The following EPC1 variants were observed in gnomAD, a reference collection of about 807,000 sequenced individuals.
The protein encoded by EPC1 is enhancer of polycomb 1.
A neutral mutation model predicts 98.4 loss-of-function variants in EPC1; 12 were observed. The ratio of observed to expected loss-of-function variants is 0.12; its 90% CI spans 0.08 to 0.20. The LOEUF is 0.20. EPC1 is among the 10% of genes least tolerant of loss of function. The pLI is 1.00. For missense variants in EPC1, 729 were observed against 990.5 expected (o/e 0.74, Z 3.54); for synonymous variants, 357 against 363.9 (o/e 0.98, Z 0.21).
chr10:32,309,134 G>A (rs953497850), intron 1 of EPC1, among the ~76,000 whole-genome samples: 1 of 152,130 alleles, frequency 6.6e-6, no homozygotes, highest in African/African-American at 2.4e-5. Flanking sequence ...GTACTGGGGA[G>A]GGGTAGAAAA....
intron 1 of EPC1, chr10:32,376,987 C>G (rs1839884050): frequency 6.6e-6 from 1 of 152,128 alleles, no homozygotes; most frequent in Non-Finnish European, 1.5e-5. Flanking sequence ...AAACCTATGT[C>G]AGATCGTAAC....
At chr10:32,343,209 T>C (rs1362644146) in intron 1 of EPC1, among the ~76,000 whole-genome samples, 2 of 152,206 alleles carry the variant, frequency 1.3e-5, no homozygotes, top group African/African-American at 4.8e-5. Flanking sequence ...ACTTTATTTT[T>C]AATTAAATTA....
intron 1 of EPC1, among the ~76,000 whole-genome samples, chr10:32,373,545 T>C (rs1053197786): frequency 6.6e-6 from 1 of 152,186 alleles, no homozygotes; most frequent in African/African-American, 2.4e-5. Flanking sequence ...TTCAGTCCCC[T>C]TGTCAGTGAC....
chr10:32,368,074 C>T (rs574876558), intron 1 of EPC1, among the ~76,000 whole-genome samples: 52 of 152,286 alleles, frequency 3.4e-4, no homozygotes, highest in Non-Finnish European at 6.5e-4. Context: ...CTCTTTACTC[C>T]GCCATCAAAA....
At chr10:32,367,579 A>G (rs1006792514) in intron 1 of EPC1, among the ~76,000 whole-genome samples, 3 of 152,260 alleles carry the variant, frequency 2.0e-5, no homozygotes, top group East Asian at 3.8e-4. Context: ...TTTAAATGAT[A>G]TATTTTTTCA....
At chr10:32,312,043 C>G (rs1836264487) in intron 1 of EPC1, among the ~76,000 whole-genome samples, 2 of 152,246 alleles carry the variant, frequency 1.3e-5, no homozygotes, top group East Asian at 3.9e-4. Flanking sequence ...CTGCAGAAAG[C>G]AAAACCATGG....
chr10:32,356,800 C>T (rs147847953), intron 1 of EPC1, among the ~76,000 whole-genome samples: 1,662 of 152,104 alleles, frequency 0.011, 31 homozygotes, highest in African/African-American at 0.038. Flanking sequence ...CTGCCTAACA[C>T]GGTGAAACCC....
chr10:32,327,062 G>GACACACACAC (rs57395657), intron 1 of EPC1, among the ~76,000 whole-genome samples: 1,832 of 142,322 alleles, frequency 0.013, 28 homozygotes, highest in Admixed American at 0.025. Flanking sequence ...AAAATGTGGT[G>GACACACACAC]ACACACACAC....
intron 2 of EPC1, among the ~76,000 whole-genome samples, chr10:32,305,431 C>T (rs73245684): frequency 0.033 from 4,986 of 152,104 alleles, 273 homozygotes; most frequent in African/African-American, 0.11. Flanking sequence ...CTCTCACTTA[C>T]ATCAAGAAGT....
chr10:32,324,318 G>C (rs2132928538), intron 1 of EPC1, among the ~76,000 whole-genome samples: 1 of 151,812 alleles, frequency 6.6e-6, no homozygotes, highest in South Asian at 2.1e-4. Flanking sequence ...CACTTTGGGA[G>C]GCCAAGGCGG....
chr10:32,293,427 A>C (rs1223463429), intron 3 of EPC1, among the ~76,000 whole-genome samples, 165 bp downstream of exon 3: 1 of 152,178 alleles, frequency 6.6e-6, no homozygotes, highest in African/African-American at 2.4e-5. Flanking sequence ...CATATTGCTC[A>C]AGATTACACA....
chr10:32,345,559 G>C (rs1233516303), intron 1 of EPC1: 1 of 985,204 alleles, frequency 1.0e-6, no homozygotes, highest in Admixed American at 6.1e-5. Context: ...TTAAATGGCT[G>C]TACCTGAAAA....
At chr10:32,322,379 T>C (rs1240199870) in intron 1 of EPC1, among the ~76,000 whole-genome samples, 3 of 152,178 alleles carry the variant, frequency 2.0e-5, no homozygotes, top group Non-Finnish European at 4.4e-5. Context: ...TTATAAGGAA[T>C]CAGCTTAGTA....
chr10:32,276,826 C>A (rs958956815), intron 10 of EPC1, among the ~76,000 whole-genome samples: 8 of 152,262 alleles, frequency 5.3e-5, no homozygotes, highest in African/African-American at 1.9e-4. Context: ...CAAGGTAGAA[C>A]ATTTTTAGGT....
chr10:32,352,516 A>C (rs542076478), intron 1 of EPC1, among the ~76,000 whole-genome samples: 1 of 152,246 alleles, frequency 6.6e-6, no homozygotes, highest in African/African-American at 2.4e-5. Context: ...TATTGTTATT[A>C]TTCTTCAAAA....
At chr10:32,297,243 G>A (rs190513803) in intron 2 of EPC1, among the ~76,000 whole-genome samples, 96 of 149,234 alleles carry the variant, frequency 6.4e-4, no homozygotes, top group African/African-American at 2.1e-3. Flanking sequence ...TTCTAATTAA[G>A]TTCTATCAAT....
chr10:32,359,901 A>G (rs2133099277), intron 1 of EPC1, among the ~76,000 whole-genome samples: 1 of 152,206 alleles, frequency 6.6e-6, no homozygotes, highest in Non-Finnish European at 1.5e-5. Flanking sequence ...GTAGTTTTGT[A>G]TCATTTATGT....
At chr10:32,367,199 C>T (rs979962455) in intron 1 of EPC1, among the ~76,000 whole-genome samples, 2 of 152,134 alleles carry the variant, frequency 1.3e-5, no homozygotes, top group Non-Finnish European at 2.9e-5. Context: ...CCATGTTGGC[C>T]AGGCTGGTCT....
chr10:32,342,577 G>C (rs1448874828), intron 1 of EPC1, among the ~76,000 whole-genome samples: 1 of 152,138 alleles, frequency 6.6e-6, no homozygotes, highest in Non-Finnish European at 1.5e-5. Flanking sequence ...TAGAACCAAG[G>C]TGCTGGATTA....
Sources: gnomAD v4.1 joint callset for allele counts (sites outside exome capture counted in the v4.1 genomes callset) on GRCh38, gnomAD v4.1.1 for gene constraint, MANE v1.5 for transcripts, NCBI Gene and HGNC (gene_info 2026-07-23, HGNC 2026-07-21) for gene names.